TYW1: variants seen among roughly 807,000 people sequenced by gnomAD.
TYW1 encodes the protein S-adenosyl-L-methionine-dependent tRNA 4-demethylwyosine synthase TYW1.
A neutral mutation model predicts 96.2 loss-of-function variants in TYW1; 46 were observed. The observed-to-expected ratio is 0.48, with a 90% CI of 0.38 to 0.61. The LOEUF is 0.61. Among genes scored for constraint, TYW1 ranks in the 20% least tolerant of loss-of-function variants. The pLI is 0.00. For missense variants in TYW1, 684 were observed against 909.6 expected (o/e 0.75, Z 3.19); for synonymous variants, 274 against 323.0 (o/e 0.85, Z 1.63).
chr7:67,018,238 C>T, intron 6 of TYW1, 95 bp downstream of exon 6: 2 of 1,489,320 alleles, frequency 1.3e-6, no homozygotes, highest in Non-Finnish European at 1.8e-6. Flanking sequence ...TCGTTGGCTT[C>T]TGGTTAGAAG....
chr7:67,135,946 A>T (rs1798241149), intron 13 of TYW1, among the ~76,000 whole-genome samples: 1 of 152,220 alleles, frequency 6.6e-6, no homozygotes, highest in Admixed American at 6.5e-5. Context: ...TCTGTTAAAC[A>T]ACCTCTTACT....
At chr7:67,153,925 CTTTT>C (rs34003922) in intron 13 of TYW1, among the ~76,000 whole-genome samples, 2 of 130,346 alleles carry the variant, frequency 1.5e-5, no homozygotes, top group African/African-American at 2.8e-5. Context: ...TAACGACTTT[CTTTT>C]TTTTTTTTTT....
chr7:67,223,835 A>G (rs1371282115), intron 15 of TYW1, among the ~76,000 whole-genome samples: 2 of 150,878 alleles, frequency 1.3e-5, no homozygotes, highest in Non-Finnish European at 2.9e-5. Context: ...AATAACTGCA[A>G]TTTACTGTCA....
At chr7:67,228,153 G>A (rs1801625045) in intron 15 of TYW1, among the ~76,000 whole-genome samples, 1 of 152,208 alleles carries the variant, frequency 6.6e-6, no homozygotes, top group Admixed American at 6.5e-5. Flanking sequence ...GCCTATAGCA[G>A]TGTATTAGTC....
At chr7:67,099,771 G>A (rs1797030949) in intron 12 of TYW1, among the ~76,000 whole-genome samples, 1 of 152,232 alleles carries the variant, frequency 6.6e-6, no homozygotes, top group Admixed American at 6.5e-5. Context: ...GGGAGACTGA[G>A]GCCGGTGGAT....
chr7:67,041,057 A>G (rs1398210767), intron 7 of TYW1, among the ~76,000 whole-genome samples: 6 of 152,112 alleles, frequency 3.9e-5, no homozygotes, highest in Non-Finnish European at 8.8e-5. Context: ...CTGGTTTATG[A>G]TATTTCAGAT....
intron 7 of TYW1, 22 bp from the exon 8 acceptor site, chr7:67,049,927 A>T: frequency 1.2e-6 from 2 of 1,613,396 alleles, no homozygotes; most frequent in Non-Finnish European, 1.7e-6. Context: ...TCTGGATTTC[A>T]TTCTTTTTTA....
intron 10 of TYW1, among the ~76,000 whole-genome samples, chr7:67,069,500 A>T (rs1795968371): frequency 6.6e-6 from 1 of 152,192 alleles, no homozygotes; most frequent in African/African-American, 2.4e-5. Flanking sequence ...GCATCTTGGG[A>T]TGCCAAGGTG....
At chr7:67,012,162 G>A (rs149823250) in intron 4 of TYW1, among the ~76,000 whole-genome samples, 13,864 of 152,014 alleles carry the variant, frequency 0.091, 806 homozygotes, top group East Asian at 0.29. Flanking sequence ...GAACAGCCTG[G>A]GCAACATGGT....
At chr7:67,151,519 G>A (rs1798799247) in intron 13 of TYW1, among the ~76,000 whole-genome samples, 2 of 151,996 alleles carry the variant, frequency 1.3e-5, no homozygotes, top group South Asian at 4.2e-4. Flanking sequence ...TCTCCTTTAG[G>A]AGTGATTCAG....
At chr7:67,147,201 T>TA (rs1381180966) in intron 13 of TYW1, among the ~76,000 whole-genome samples, 2 of 152,098 alleles carry the variant, frequency 1.3e-5, no homozygotes, top group Admixed American at 1.3e-4. Context: ...AGTAAAAAAA[T>TA]ACAGTGTAAA....
intron 11 of TYW1, among the ~76,000 whole-genome samples, chr7:67,097,873 T>A (rs62468370): frequency 2.8e-5 from 4 of 145,034 alleles, no homozygotes; most frequent in South Asian, 2.2e-4. Flanking sequence ...TTTTTTTTTT[T>A]AATTTTTAGT....
rs1239600300 is a variant in TYW1, at chr7:67,014,639, G to A, written c.570+78G>A. On this transcript the variant is annotated intron_variant, in intron 5 of 15. Transcript: ENST00000359626. ...CGCACACACACGTAAACACACACAC[G>A]TGCACACACGCACACACACATAAAC... 62 of 1,504,420 alleles carry A rather than the reference G, an allele frequency of 4.1e-5. 1 individual carries two copies. In the South Asian group the frequency reaches 7.1e-4, roughly 17 times the overall value. The allele number at this position is 1,504,420 out of a possible 1,614,324, so 93.2% of individuals were successfully genotyped here.
intron 13 of TYW1, among the ~76,000 whole-genome samples, chr7:67,149,538 C>A (rs1299865004): frequency 2.0e-5 from 3 of 151,048 alleles, no homozygotes; most frequent in Non-Finnish European, 4.4e-5. Context: ...TTATATTCAG[C>A]CATTTGCACC....
At chr7:67,200,145 C>T (rs1397498977) in intron 15 of TYW1, among the ~76,000 whole-genome samples, 3 of 152,016 alleles carry the variant, frequency 2.0e-5, no homozygotes, top group Non-Finnish European at 2.9e-5. Context: ...ACCAAGTGTG[C>T]GCCAGGACAA....
rs187404146 is a variant in TYW1 at position 67,175,381 on chromosome 7, G to A, written c.1699-7745G>A. ...AGATGGGGTTTCTCCATGTTGGTGA[G>A]GCTGGTCTCGAACTCCCAACCTCAG... On this transcript the variant is annotated intron_variant, in intron 13 of 15. Coordinates refer to ENST00000359626, the MANE Select transcript of TYW1 (RefSeq NM_018264.4). 1.1e-3 allele frequency among the ~76,000 whole-genome samples: 168 copies of A among 152,212 alleles called. 3 individuals are homozygous for A. The East Asian group carries it at 0.031, about 28-fold the overall frequency.
chr7:67,031,947 C>T (rs1354072831), intron 7 of TYW1, among the ~76,000 whole-genome samples: 3 of 152,176 alleles, frequency 2.0e-5, no homozygotes, highest in Non-Finnish European at 2.9e-5. Flanking sequence ...TGTAGTTTCT[C>T]GTCAAAAAAT....
intron 13 of TYW1, among the ~76,000 whole-genome samples, chr7:67,129,058 T>C (rs956137135): frequency 1.3e-5 from 2 of 152,192 alleles, no homozygotes; most frequent in African/African-American, 4.8e-5. Flanking sequence ...CAGTTTTTTC[T>C]TCCCCCTTGG....
chr7:67,080,957 T>G (rs1222494211), intron 10 of TYW1, among the ~76,000 whole-genome samples: 12 of 142,990 alleles, frequency 8.4e-5, no homozygotes, highest in African/African-American at 3.3e-4. Context: ...TTTTTTTTTT[T>G]TTTTTTTTTT....
Sources: gnomAD v4.1 joint callset for allele counts (sites outside exome capture counted in the v4.1 genomes callset) on GRCh38, gnomAD v4.1.1 for gene constraint, MANE v1.5 for transcripts, NCBI Gene and HGNC (gene_info 2026-07-23, HGNC 2026-07-21) for gene names.